TJP1: variants seen among roughly 807,000 people sequenced by gnomAD.
TJP1 encodes the protein tight junction protein 1.
TJP1 carries 43 observed loss-of-function variants against 194.2 expected under a neutral mutation model. That is an observed-to-expected ratio of 0.22 (90% CI 0.17 to 0.29). The LOEUF (loss-of-function observed/expected upper bound fraction) is 0.29, where lower values mean the gene tolerates loss of function less well. Ranked by LOEUF, TJP1 falls within the 10% of genes least tolerant of loss-of-function variation. TJP1 has a pLI of 1.00. For synonymous variants in TJP1, 801 were observed against 779.0 expected (o/e 1.03, Z -0.47); for missense variants, 1,971 against 2,185.7 (o/e 0.90, Z 1.96).
In TJP1 at chr15:29,730,761, G is replaced by A. The variant is rs2151235938; in HGVS notation, c.2017+1672C>T. 3.9e-6 allele frequency: 3 copies of A among 768,908 alleles called. No individual in the cohort carries two copies. In the South Asian group the frequency reaches 4.0e-5, roughly 10 times the overall value. 47.6% of individuals were successfully genotyped at this position (768,908 alleles called of 1,614,324 possible). On this transcript the variant is annotated intron_variant, in intron 15 of 27. Coordinates refer to ENST00000614355, the MANE Select transcript of TJP1 (RefSeq NM_001330239.4). ...GGATGCTAAGGGAGATAAAGCCAAG[G>A]TGAAGGACGAACCACAGAGAAGATC...
intron 1 of TJP1, among the ~76,000 whole-genome samples, chr15:29,819,189 T>C (rs936182271): frequency 1.3e-5 from 2 of 152,208 alleles, no homozygotes; most frequent in Non-Finnish European, 2.9e-5. Context: ...GTCATTTAGA[T>C]TTCCTTTGAT....
intron 1 of TJP1, 83 bp from the exon 2 acceptor site, chr15:29,800,785 G>T: frequency 7.4e-7 from 1 of 1,355,112 alleles, no homozygotes; most frequent in Non-Finnish European, 1.0e-6. Context: ...CAACAATTCA[G>T]CACACTGAAA....
chr15:29,745,312 A>AAC (rs762871857), intron 8 of TJP1, among the ~76,000 whole-genome samples: 6 of 151,406 alleles, frequency 4.0e-5, no homozygotes, highest in Non-Finnish European at 7.4e-5. Context: ...GAAAAAAAAA[A>AAC]AAAAACTTAA....
rs776556981 is a variant in TJP1 at position 29,705,662 on chromosome 15, C to T, written c.4934G>A (p.Gly1645Asp). 1.9e-6 allele frequency: 3 copies of T among 1,614,028 alleles called. No individual in the cohort carries two copies. The highest frequency in any genetic ancestry group is 1.7e-6 in the Non-Finnish European group (2 of 1,180,034). ...ACCAGTTTCTATGGAACTCAGCACG[C>T]CCCCATTGCTGTTAAATATGCCTCG... Reference protein sequence around the residue: ...TARGIFNSNGGVLSSIETGVS... With the variant: ...TARGIFNSNGDVLSSIETGVS... The change falls in exon 26 of 28, where the codon GGC becomes GAC. Residue 1645 changes from glycine to aspartate, a missense_variant. By Grantham distance (94) the Gly-to-Asp change is moderately conservative. Transcript: ENST00000614355.
intron 8 of TJP1, among the ~76,000 whole-genome samples, chr15:29,753,483 CAAAAA>C (rs34221786): frequency 2.1e-5 from 1 of 47,938 alleles, no homozygotes; most frequent in Non-Finnish European, 4.0e-5. Flanking sequence ...GACTCTGTGT[CAAAAA>C]AAAAAAAAAA....
intron 18 of TJP1, among the ~76,000 whole-genome samples, chr15:29,725,577 T>TA (rs963506157): frequency 7.8e-4 from 112 of 144,014 alleles, no homozygotes; most frequent in South Asian, 2.2e-3. Context: ...AAAAGACATT[T>TA]AAAAAAAAAA....
intron 8 of TJP1, among the ~76,000 whole-genome samples, chr15:29,750,328 A>G (rs1377172794): frequency 6.6e-6 from 1 of 151,950 alleles, no homozygotes; most frequent in African/African-American, 2.4e-5. Flanking sequence ...TAGTAGAGAC[A>G]GGGTTTCACC....
chr15:29,764,276 A>C (rs565659145), intron 5 of TJP1, among the ~76,000 whole-genome samples: 2 of 152,310 alleles, frequency 1.3e-5, no homozygotes, highest in African/African-American at 4.8e-5. Context: ...AGAAAGACCT[A>C]AACCTGAAGG....
chr15:29,830,946 TC>T (rs1321113856), intron 2 of TJP1, among the ~76,000 whole-genome samples: 1 of 151,952 alleles, frequency 6.6e-6, no homozygotes, highest in Admixed American at 6.6e-5. Context: ...TACAATTTGA[TC>T]CTCAAAAGAA....
At chr15:29,940,502 C>A (rs183914060) in intron 2 of TJP1, among the ~76,000 whole-genome samples, 166 of 152,268 alleles carry the variant, frequency 1.1e-3, no homozygotes, top group African/African-American at 3.8e-3. Flanking sequence ...TTCATTTAGA[C>A]TTTTGGGAAC....
rs2043834798 is a variant in TJP1, at chr15:29,733,852, C to T, written c.1516+422G>A. Among the ~76,000 whole-genome samples, 2 of 152,140 alleles carry T rather than the reference C, an allele frequency of 1.3e-5. 1 individual carries two copies. Among genetic ancestry groups the T allele is most frequent in the South Asian group, 4.1e-4 (2 of 4,836 alleles). On this transcript the variant is annotated intron_variant, in intron 12 of 27. Coordinates refer to ENST00000614355, the MANE Select transcript of TJP1 (RefSeq NM_001330239.4). Reference sequence around the variant, plus strand: ...TGTCAACAGTGCCAAGGCTGAGAAACCTGGCTCTAAGTGAAAATTGTATCA... The same window carrying T: ...TGTCAACAGTGCCAAGGCTGAGAAATCTGGCTCTAAGTGAAAATTGTATCA...
chr15:29,937,605 G>T (rs1282146809), intron 2 of TJP1, among the ~76,000 whole-genome samples: 1 of 152,166 alleles, frequency 6.6e-6, no homozygotes, highest in Admixed American at 6.5e-5. Flanking sequence ...AGATGCCACG[G>T]ACAGAACAAG....
intron 17 of TJP1, 114 bp downstream of exon 17, chr15:29,726,667 G>T: frequency 1.7e-6 from 2 of 1,196,856 alleles, no homozygotes; most frequent in South Asian, 1.4e-5. Context: ...ACAACAGGAA[G>T]CTTTCCAAGA....
intron 15 of TJP1, among the ~76,000 whole-genome samples, chr15:29,731,896 A>C (rs1175536898): frequency 6.6e-6 from 1 of 152,204 alleles, no homozygotes; most frequent in African/African-American, 2.4e-5. Context: ...TATACTTACT[A>C]TCTTATTATA....
At position 29,908,048 on chromosome 15, in the gene TJP1, C is replaced by CAAAAAAAAAAAAAAAAAAAAAAAAAAA. The variant is rs1156724424; in HGVS notation, c.306+48157_306+48183dup. Among the ~76,000 whole-genome samples the CAAAAAAAAAAAAAAAAAAAAAAAAAAA allele has an allele frequency of 8.2e-4, 16 of 19,526 alleles. 3 individuals are homozygous for CAAAAAAAAAAAAAAAAAAAAAAAAAAA. The highest frequency in any genetic ancestry group is 2.9e-3 in the East Asian group (1 of 344). 12.8% of individuals were successfully genotyped at this position (19,526 alleles called of 152,430 possible). On this transcript the variant is annotated intron_variant, in intron 2 of 28. Transcript: ENST00000356107. The stretch of plus-strand genomic sequence containing the variant: ...AAAGTTGAGAAATTACCTTATAAAG[C>CAAAAAAAAAAAAAAAAAAAAAAAAAAA]AAAAAAAAAAAAAAAAAAAAAAAAA...
At chr15:29,791,974 T>C (rs989687656) in intron 2 of TJP1, among the ~76,000 whole-genome samples, 1 of 151,438 alleles carries the variant, frequency 6.6e-6, no homozygotes, top group African/African-American at 2.4e-5. Context: ...ATTTTTAAAT[T>C]GGATTTCTTT....
intron 2 of TJP1, among the ~76,000 whole-genome samples, chr15:29,953,219 G>A (rs1353951567): frequency 1.4e-5 from 2 of 140,214 alleles, no homozygotes; most frequent in Non-Finnish European, 3.0e-5. Flanking sequence ...TTGGCTCACT[G>A]CAACCTCCAC....
intron 2 of TJP1, among the ~76,000 whole-genome samples, chr15:29,937,175 T>TGG (rs1215492399): frequency 6.6e-6 from 1 of 152,198 alleles, no homozygotes. Flanking sequence ...CATGAGAAGA[T>TGG]CTCTGTTTAA....
chr15:29,724,236 G>C (rs573455666), intron 18 of TJP1, among the ~76,000 whole-genome samples: 2 of 152,302 alleles, frequency 1.3e-5, no homozygotes, highest in African/African-American at 4.8e-5. Flanking sequence ...CCATGCTCCA[G>C]TTTTCAAGAG....
Sources: gnomAD v4.1 joint callset for allele counts (sites outside exome capture counted in the v4.1 genomes callset) on GRCh38, gnomAD v4.1.1 for gene constraint, MANE v1.5 for transcripts, NCBI Gene and HGNC (gene_info 2026-07-23, HGNC 2026-07-21) for gene names.